The following BUD13 variants were observed in gnomAD, a reference collection of about 807,000 sequenced individuals.
BUD13 encodes BUD13 spliceosome associated protein.
BUD13 carries 47 observed loss-of-function variants against 62.5 expected under a neutral mutation model. That is an observed-to-expected ratio of 0.75 (90% CI 0.60 to 0.96). The LOEUF (loss-of-function observed/expected upper bound fraction) is 0.96, where lower values mean the gene tolerates loss of function less well. Among genes scored for constraint, BUD13 ranks in the 40% least tolerant of loss-of-function variants. BUD13 has a pLI of 0.00. For synonymous variants in BUD13, 293 were observed against 280.1 expected (o/e 1.05, Z -0.46); for missense variants, 821 against 790.9 (o/e 1.04, Z -0.46).
At position 116,748,435 on chromosome 11, in the gene BUD13, C is replaced by T; in HGVS notation, c.*47G>A. 3.9e-6 allele frequency: 6 copies of T among 1,533,026 alleles called. No homozygotes were observed. Among genetic ancestry groups the T allele is most frequent in the Non-Finnish European group, 5.4e-6 (6 of 1,106,556 alleles). 95.0% of individuals were successfully genotyped at this position (1,533,026 alleles called of 1,614,324 possible). On this transcript the variant is annotated 3_prime_UTR_variant, in exon 10 of 10. Coordinates refer to ENST00000260210, the MANE Select transcript of BUD13 (RefSeq NM_032725.4). ...ACTGTTACCACTGGATATCTCGCTG[C>T]CTATGCCCACTACCACAGCCCAGCC...
At chr11:116,751,140 T>G (rs556489227) in intron 9 of BUD13, among the ~76,000 whole-genome samples, 3 of 152,254 alleles carry the variant, frequency 2.0e-5, no homozygotes, top group African/African-American at 7.2e-5. Context: ...GAAAATCTTC[T>G]ATAGTAACAC....
At chr11:116,758,452 A>G in intron 6 of BUD13, 45 bp from the exon 7 acceptor site, 1 of 1,604,968 alleles carries the variant, frequency 6.2e-7, no homozygotes, top group Non-Finnish European at 8.5e-7. Context: ...AAAATCAGAA[A>G]TAACATTCTA....
chr11:116,758,535 C>T (rs1017976678), intron 6 of BUD13, 128 bp from the exon 7 acceptor site: 1 of 976,766 alleles, frequency 1.0e-6, no homozygotes, highest in African/African-American at 1.7e-5. Context: ...GTAGTTCCTA[C>T]CAACATCTTG....
At chr11:116,763,845 T>C (rs1028456159) in intron 3 of BUD13, among the ~76,000 whole-genome samples, 3 of 152,218 alleles carry the variant, frequency 2.0e-5, no homozygotes, top group East Asian at 1.9e-4. Flanking sequence ...CTGTGCTCTT[T>C]CTTAGAGAGG....
At chr11:116,766,465 A>C (rs1238273663) in intron 2 of BUD13, among the ~76,000 whole-genome samples, 2 of 152,202 alleles carry the variant, frequency 1.3e-5, no homozygotes, top group Admixed American at 1.3e-4. Flanking sequence ...CATATAACCC[A>C]GTTTTGAGAT....
At chr11:116,766,356 T>C (rs1258108224) in intron 2 of BUD13, among the ~76,000 whole-genome samples, 1 of 152,246 alleles carries the variant, frequency 6.6e-6, no homozygotes, top group African/African-American at 2.4e-5. Flanking sequence ...AGAAGTTCAG[T>C]AACTTTCTCA....
At chr11:116,763,798 T>C (rs532044152) in intron 3 of BUD13, among the ~76,000 whole-genome samples, 22 of 152,174 alleles carry the variant, frequency 1.4e-4, no homozygotes, top group Non-Finnish European at 2.8e-4. Flanking sequence ...ACGGTGAATA[T>C]CAAAATAAAA....
chr11:116,752,193 G>A (rs140790337), intron 9 of BUD13, among the ~76,000 whole-genome samples: 98 of 152,114 alleles, frequency 6.4e-4, no homozygotes, highest in African/African-American at 2.2e-3. Flanking sequence ...TGATCTGCCC[G>A]CCTCGGCCTC....
intron 1 of BUD13, 68 bp downstream of exon 1, chr11:116,772,754 G>A: frequency 7.0e-7 from 1 of 1,430,226 alleles, no homozygotes; most frequent in Non-Finnish European, 9.1e-7. Context: ...ACTGCCGGGC[G>A]GCCGAGGGCG....
intron 3 of BUD13, among the ~76,000 whole-genome samples, chr11:116,764,838 G>C (rs1308185471): frequency 6.6e-6 from 1 of 152,120 alleles, no homozygotes; most frequent in Non-Finnish European, 1.5e-5. Flanking sequence ...GTTAAATTAA[G>C]ATTATTAGCT....
chr11:116,772,923 C>T lies in BUD13; in HGVS notation c.42G>A (p.Lys14=). The T allele has an allele frequency of 1.9e-6, 3 of 1,587,182 alleles. No homozygotes were observed. Among genetic ancestry groups the T allele is most frequent in the Non-Finnish European group, 2.6e-6 (3 of 1,167,152 alleles). ...CGGCATCTGCCCCGGACAAGTAACG[C>T]TTCAGATACTCGGCCTTGGAAAGCG... ...APPLSKAEYL[K]RYLSGADAGV... The change falls in exon 1 of 10, where the codon AAG becomes AAA. Residue 14 remains lysine, a synonymous_variant. Coordinates refer to ENST00000260210, the MANE Select transcript of BUD13 (RefSeq NM_032725.4).
chr11:116,755,813 T>G (rs1940312606), intron 9 of BUD13, among the ~76,000 whole-genome samples: 1 of 152,162 alleles, frequency 6.6e-6, no homozygotes, highest in African/African-American at 2.4e-5. Context: ...TTTTTTTGAA[T>G]GAATAAATAC....
At chr11:116,757,627 A>G (rs140733657) in intron 8 of BUD13, 139 bp downstream of exon 8, 51 of 1,147,392 alleles carry the variant, frequency 4.4e-5, no homozygotes, top group Non-Finnish European at 5.8e-5. Context: ...AGAAAGACCA[A>G]TTGAGTTGAA....
At chr11:116,759,210 T>C in intron 5 of BUD13, 31 bp from the exon 6 acceptor site, 1 of 1,509,840 alleles carries the variant, frequency 6.6e-7, no homozygotes, top group Non-Finnish European at 9.2e-7. Context: ...CATCCAACAT[T>C]AATGAGATGA....
intron 5 of BUD13, among the ~76,000 whole-genome samples, chr11:116,760,014 G>C (rs988226798): frequency 2.0e-5 from 3 of 152,104 alleles, no homozygotes; most frequent in African/African-American, 7.2e-5. Context: ...AATTACTCAA[G>C]GTTCATATGG....
chr11:116,772,255 T>C (rs1289443198), intron 1 of BUD13, among the ~76,000 whole-genome samples: 2 of 152,224 alleles, frequency 1.3e-5, no homozygotes, highest in African/African-American at 4.8e-5. Context: ...TTGTCCCATA[T>C]GAAAATAATA....
intron 9 of BUD13, among the ~76,000 whole-genome samples, chr11:116,748,980 CAAAAAAAA>C (rs58988682): frequency 1.1e-5 from 1 of 87,016 alleles, no homozygotes; most frequent in African/African-American, 4.4e-5. Context: ...GACTCTGTCT[CAAAAAAAA>C]AAAAAAAAAA....
At position 116,762,695 on chromosome 11, in the gene BUD13, A is replaced by C; in HGVS notation, c.894T>G (p.Thr298=). The stretch of plus-strand genomic sequence containing the variant: ...CTCCTGACTCCTTCCAATGTGGAGA[A>C]GTCTTGCTAGAGGCTCTTTCTGGGG... ...GKAPERASSK[T]SPHWKESGAS... Residue 298 remains threonine (T), a synonymous_variant, in exon 4 of 10, where the codon ACT becomes ACG. Transcript: ENST00000260210. 1 of 1,614,088 alleles carries C rather than the reference A, an allele frequency of 6.2e-7. No homozygotes were observed. The highest frequency in any genetic ancestry group is 2.2e-5 in the East Asian group (1 of 44,896).
intron 2 of BUD13, among the ~76,000 whole-genome samples, chr11:116,769,014 CA>C (rs34626460): frequency 0.44 from 40,064 of 90,142 alleles, 4,730 homozygotes; most frequent in Middle Eastern, 0.49. Flanking sequence ...GACTCCGTCT[CA>C]AAAAAAAAAA....
Sources: gnomAD v4.1 joint callset for allele counts (sites outside exome capture counted in the v4.1 genomes callset) on GRCh38, gnomAD v4.1.1 for gene constraint, MANE v1.5 for transcripts, NCBI Gene and HGNC (gene_info 2026-07-23, HGNC 2026-07-21) for gene names.